The following CALN1 variants were observed in gnomAD, a reference collection of about 807,000 sequenced individuals.
CALN1 encodes the protein calneuron 1.
A neutral mutation model predicts 30.6 loss-of-function variants in CALN1; 17 were observed. That is an observed-to-expected ratio of 0.56 (90% CI 0.38 to 0.83). The LOEUF (loss-of-function observed/expected upper bound fraction) is 0.83. CALN1 is among the 40% of genes least tolerant of loss of function. The pLI is 0.00. For missense variants in CALN1, 291 were observed against 354.9 expected (o/e 0.82, Z 1.45); for synonymous variants, 156 against 131.4 (o/e 1.19, Z -1.28).
chr7:72,185,498 G>T (rs1790122735), intron 3 of CALN1, among the ~76,000 whole-genome samples: 1 of 152,194 alleles, frequency 6.6e-6, no homozygotes, highest in Admixed American at 6.5e-5. Context: ...GTGGTAAGTA[G>T]AGTAATGGCC....
At chr7:72,200,566 T>G (rs1791346901) in intron 3 of CALN1, among the ~76,000 whole-genome samples, 1 of 152,078 alleles carries the variant, frequency 6.6e-6, no homozygotes, top group African/African-American at 2.4e-5. Flanking sequence ...CTCAAGGTAA[T>G]GGAGCTGGTG....
chr7:72,246,491 C>CT (rs947005911), intron 3 of CALN1, among the ~76,000 whole-genome samples: 37 of 152,226 alleles, frequency 2.4e-4, no homozygotes, highest in African/African-American at 8.9e-4. Context: ...ACCTGCCAGG[C>CT]TAACTTTCAG....
At chr7:72,374,117 C>T (rs993950706) in intron 2 of CALN1, among the ~76,000 whole-genome samples, 8 of 152,246 alleles carry the variant, frequency 5.3e-5, no homozygotes, top group South Asian at 2.1e-4. Context: ...AATTGCTAAA[C>T]GAGGTTTTTC....
chr7:72,181,710 C>T (rs1318495468), intron 3 of CALN1, among the ~76,000 whole-genome samples: 1 of 152,156 alleles, frequency 6.6e-6, no homozygotes, highest in Non-Finnish European at 1.5e-5. Context: ...CTCCTGACCT[C>T]GTGATCCGTC....
intron 5 of CALN1, among the ~76,000 whole-genome samples, chr7:71,888,136 T>A (rs1712103637): frequency 6.6e-6 from 1 of 151,952 alleles, no homozygotes; most frequent in South Asian, 2.1e-4. Flanking sequence ...CAATGTAATA[T>A]AAGAAGAGGG....
At chr7:71,919,798 C>T (rs1004994371) in intron 5 of CALN1, among the ~76,000 whole-genome samples, 3 of 152,168 alleles carry the variant, frequency 2.0e-5, no homozygotes, top group Admixed American at 1.3e-4. Context: ...CTACAAGAAT[C>T]TGGTATAAAG....
intron 3 of CALN1, among the ~76,000 whole-genome samples, chr7:72,272,359 C>T (rs917683633): frequency 6.6e-6 from 1 of 152,080 alleles, no homozygotes; most frequent in Non-Finnish European, 1.5e-5. Flanking sequence ...GTCAGAAGTT[C>T]GAGACCAACC....
chr7:72,460,933 C>T, the CALN1 span, among the ~76,000 whole-genome samples: 1 of 152,144 alleles, frequency 6.6e-6, no homozygotes, highest in Non-Finnish European at 1.5e-5. Flanking sequence ...AGCTCCATGG[C>T]TCTGAAATTC....
chr7:72,201,840 G>T (rs1363446636), intron 3 of CALN1, among the ~76,000 whole-genome samples: 1 of 151,436 alleles, frequency 6.6e-6, no homozygotes, highest in African/African-American at 2.4e-5. Flanking sequence ...TCTAGCCTTA[G>T]AAGTGGAACT....
intron 4 of CALN1, among the ~76,000 whole-genome samples, chr7:72,054,195 AT>A (rs1215452662): frequency 1.3e-5 from 2 of 151,824 alleles, no homozygotes; most frequent in Non-Finnish European, 2.9e-5. Flanking sequence ...GTAGTTCTAC[AT>A]TTAGTTCTTT....
At chr7:72,287,998 A>AT (rs1485351927) in intron 2 of CALN1, among the ~76,000 whole-genome samples, 1 of 151,964 alleles carries the variant, frequency 6.6e-6, no homozygotes, top group Non-Finnish European at 1.5e-5. Flanking sequence ...TTATTGGTAT[A>AT]TAATAAATTA....
chr7:72,419,138 C>A (rs1807524187), intron 1 of CALN1, among the ~76,000 whole-genome samples: 1 of 152,154 alleles, frequency 6.6e-6, no homozygotes, highest in African/African-American at 2.4e-5. Flanking sequence ...TTGAGCTGGA[C>A]AACACACGAA....
chr7:71,911,113 C>T (rs1167887976), intron 5 of CALN1, among the ~76,000 whole-genome samples: 2 of 152,136 alleles, frequency 1.3e-5, no homozygotes, highest in Non-Finnish European at 2.9e-5. Context: ...TCTTCAAAGT[C>T]CTTACTGGCG....
chr7:72,494,234 T>C, the CALN1 span, among the ~76,000 whole-genome samples: 2 of 152,298 alleles, frequency 1.3e-5, no homozygotes, highest in South Asian at 4.1e-4. Flanking sequence ...CTCTTTCACC[T>C]GATGGATGTT....
the CALN1 span, among the ~76,000 whole-genome samples, chr7:72,501,485 GGGAA>G: frequency 6.9e-5 from 10 of 145,354 alleles, no homozygotes; most frequent in East Asian, 2.0e-4. Flanking sequence ...GAAGGAAGGA[GGGAA>G]GGAAGGAAGG....
chr7:71,900,340 A>G (rs1266406974), intron 5 of CALN1, among the ~76,000 whole-genome samples: 2 of 152,222 alleles, frequency 1.3e-5, no homozygotes, highest in Admixed American at 6.5e-5. Context: ...AAAGAAAGAC[A>G]CTCAAATTGG....
At chr7:71,936,342 C>CA (rs1262978687) in intron 5 of CALN1, among the ~76,000 whole-genome samples, 1 of 132,666 alleles carries the variant, frequency 7.5e-6, no homozygotes, top group Non-Finnish European at 1.6e-5. Context: ...ACTAAAAATA[C>CA]AAAAAATTAG....
chr7:72,136,210 T>C (rs530613828), intron 3 of CALN1, among the ~76,000 whole-genome samples: 2 of 152,218 alleles, frequency 1.3e-5, no homozygotes, highest in South Asian at 4.1e-4. Context: ...TGTTGTTGAG[T>C]GTAGCCACCT....
chr7:72,197,281 A>C (rs1791093964), intron 3 of CALN1, among the ~76,000 whole-genome samples: 1 of 142,826 alleles, frequency 7.0e-6, no homozygotes, highest in Admixed American at 7.6e-5. Flanking sequence ...GGCTCACTGC[A>C]ACCTCCGCCT....
Sources: allele counts gnomAD v4.1 joint callset (sites outside exome capture counted in the v4.1 genomes callset), GRCh38; gene constraint gnomAD v4.1.1; transcripts MANE v1.5; gene names NCBI Gene and HGNC (gene_info 2026-07-23, HGNC 2026-07-21).